DYSF: variants seen among roughly 807,000 people sequenced by gnomAD.
DYSF encodes the protein dysferlin.
DYSF carries 212 observed loss-of-function variants against 274.9 expected under a neutral mutation model. The ratio of observed to expected loss-of-function variants is 0.77; its 90% CI spans 0.69 to 0.86. The LOEUF (loss-of-function observed/expected upper bound fraction) is 0.86, where lower values mean the gene tolerates loss of function less well. Ranked by LOEUF, DYSF falls within the 40% of genes least tolerant of loss-of-function variation. The pLI is 0.00. For synonymous variants in DYSF, 1,091 were observed against 1,078.7 expected, an observed-to-expected ratio of 1.01 and a Z score of -0.22; for missense variants, 2,666 against 2,783.2, an observed-to-expected ratio of 0.96 and a Z score of 0.95.
intron 17 of DYSF, chr2:71,549,529 G>C: frequency 1.2e-6 from 1 of 817,712 alleles, no homozygotes; most frequent in Non-Finnish European, 2.0e-6. Flanking sequence ...TAAGTCCCTG[G>C]ACTTACCTTT....
chr2:71,685,649 G>T (rs905025292), intron 55 of DYSF, among the ~76,000 whole-genome samples: 2 of 152,190 alleles, frequency 1.3e-5, no homozygotes, highest in African/African-American at 4.8e-5. Flanking sequence ...GGGGTATGAG[G>T]GGGCAGCCTG....
chr2:71,515,629 G>C lies in DYSF; in HGVS notation c.766G>C (p.Val256Leu). The C allele has an allele frequency of 1.9e-6, 3 of 1,613,916 alleles. No individual in the cohort carries two copies. Among genetic ancestry groups the C allele is most frequent in the South Asian group, 2.2e-5 (2 of 91,070 alleles). Residue 256 changes from valine (V) to leucine (L), a missense_variant, in exon 8 of 56, where the codon GTC becomes CTC. This residue lies in a region of DYSF where 794 missense variants were observed against 777.1 expected (regional missense o/e 1.02). Transcript: ENST00000410020. Reference sequence around the variant, plus strand: ...TCCTCCTTCTGGCTTTCAGATCAGGGTCCAGGTGATCGAGGGGCGCCAGCT... The same window carrying C: ...TCCTCCTTCTGGCTTTCAGATCAGGCTCCAGGTGATCGAGGGGCGCCAGCT... ...SDKPQDFQIR[V>L]QVIEGRQLPG... is the part of the protein sequence containing the mutation.
At chr2:71,670,970 A>T (rs2095109554) in intron 51 of DYSF, among the ~76,000 whole-genome samples, 1 of 152,138 alleles carries the variant, frequency 6.6e-6, no homozygotes, top group Non-Finnish European at 1.5e-5. Flanking sequence ...AGGTGGCTCA[A>T]GGCTTTAAGC....
intron 44 of DYSF, among the ~76,000 whole-genome samples, chr2:71,659,325 G>A (rs1424346397): frequency 6.6e-6 from 1 of 152,340 alleles, no homozygotes; most frequent in South Asian, 2.1e-4. Flanking sequence ...GAAGAAAATA[G>A]TGTTTTAAGA....
chr2:71,653,034 T>C (rs1319925464), intron 42 of DYSF, among the ~76,000 whole-genome samples: 1 of 152,210 alleles, frequency 6.6e-6, no homozygotes, highest in Admixed American at 6.5e-5. Context: ...GCAGACACTA[T>C]AAAGAAAAAG....
chr2:71,662,595 G>A (rs1314869815), intron 45 of DYSF, among the ~76,000 whole-genome samples: 2 of 149,250 alleles, frequency 1.3e-5, no homozygotes, highest in African/African-American at 4.9e-5. Flanking sequence ...GTGTGTAGGT[G>A]TATGCGTCTG....
At chr2:71,667,254 G>A in intron 47 of DYSF, 122 bp from the exon 48 acceptor site, 1 of 1,416,682 alleles carries the variant, frequency 7.1e-7, no homozygotes. Flanking sequence ...CTGGGGGTGA[G>A]GCTGCGGGGG....
chr2:71,543,727 C>T (rs554310316), intron 17 of DYSF, among the ~76,000 whole-genome samples: 12 of 152,156 alleles, frequency 7.9e-5, no homozygotes, highest in Admixed American at 4.6e-4. Flanking sequence ...TCAGGCGTGG[C>T]GGCGCGCGCC....
At chr2:71,567,872 ACTC>A in intron 24 of DYSF, 76 bp from the exon 25 acceptor site, 1 of 1,581,900 alleles carries the variant, frequency 6.3e-7, no homozygotes, top group African/African-American at 1.3e-5. Context: ...GGCTTGGAGG[ACTC>A]CTCCTCCCCA....
intron 40 of DYSF, among the ~76,000 whole-genome samples, chr2:71,616,406 G>A (rs2093884691): frequency 6.6e-6 from 1 of 151,440 alleles, no homozygotes; most frequent in Non-Finnish European, 1.5e-5. Flanking sequence ...TTCTTGGTCT[G>A]TGCAGCCATC....
Position 71,513,780 on chromosome 2 carries a change from G to T in DYSF, c.618G>T (p.Leu206=). The change falls in exon 7 of 56, where the codon CTG becomes CTT. Residue 206 remains leucine (L), a synonymous_variant. Coordinates refer to ENST00000410020, the MANE Select transcript of DYSF (RefSeq NM_001130987.2). ...CTGGAGATGAGGCGGAGCCATTCCTGGATCAAAGCGGAGGCCCGGGGGCTC... is the reference window on the plus strand; with the variant it reads ...CTGGAGATGAGGCGGAGCCATTCCTTGATCAAAGCGGAGGCCCGGGGGCTC... ...GLTGDEAEPF[L]DQSGGPGAPT... 1 of 1,614,188 alleles carries T rather than the reference G, an allele frequency of 6.2e-7. No homozygotes were observed. Among genetic ancestry groups the T allele is most frequent in the Non-Finnish European group, 8.5e-7 (1 of 1,180,024 alleles).
chr2:71,543,669 G>T (rs561234242), intron 17 of DYSF, among the ~76,000 whole-genome samples: 2 of 152,176 alleles, frequency 1.3e-5, no homozygotes, highest in African/African-American at 4.8e-5. Flanking sequence ...AGACCAGCCC[G>T]GCCAACACAG....
intron 22 of DYSF, 95 bp downstream of exon 22, chr2:71,556,166 C>T (rs1320714859): frequency 5.7e-6 from 6 of 1,048,300 alleles, no homozygotes; most frequent in East Asian, 2.6e-5. Flanking sequence ...AGCAGTGGCA[C>T]GTCTCCCAGC....
intron 30 of DYSF, among the ~76,000 whole-genome samples, chr2:71,575,414 G>C (rs2092669703): frequency 6.6e-6 from 1 of 152,174 alleles, no homozygotes; most frequent in Non-Finnish European, 1.5e-5. Context: ...CCCTTGCCCT[G>C]GGGCCAGGTC....
chr2:71,589,501 C>A, intron 30 of DYSF, 92 bp from the exon 31 acceptor site: 1 of 1,005,702 alleles, frequency 9.9e-7, no homozygotes, highest in Non-Finnish European at 1.6e-6. Context: ...GGAGAGATCT[C>A]CTGGCCCTGG....
intron 13 of DYSF, 21 bp from the exon 14 acceptor site, chr2:71,528,277 C>G: frequency 1.2e-6 from 2 of 1,605,854 alleles, no homozygotes; most frequent in East Asian, 4.5e-5. Context: ...CAGGCAGTGA[C>G]TGGTGTGTCC....
At chr2:71,655,084 T>A (rs1054094310) in intron 42 of DYSF, among the ~76,000 whole-genome samples, 2 of 151,892 alleles carry the variant, frequency 1.3e-5, no homozygotes, top group African/African-American at 4.8e-5. Context: ...GAGTGAGACT[T>A]CTCCCCTCAC....
At chr2:71,536,371 A>T (rs1276145542) in intron 16 of DYSF, among the ~76,000 whole-genome samples, 2 of 152,192 alleles carry the variant, frequency 1.3e-5, no homozygotes, top group South Asian at 4.1e-4. Flanking sequence ...GAATTAGAGG[A>T]GAGGAAAGAG....
intron 41 of DYSF, among the ~76,000 whole-genome samples, chr2:71,641,393 A>G (rs1572905438): frequency 6.6e-6 from 1 of 151,816 alleles, no homozygotes; most frequent in Non-Finnish European, 1.5e-5. Context: ...GTTAGCCAGG[A>G]TGGTCTCGAT....
Sources: gnomAD v4.1 joint callset for allele counts (sites outside exome capture counted in the v4.1 genomes callset) on GRCh38, gnomAD v4.1.1 for gene constraint, gnomAD v4.1.1 regional missense constraint, MANE v1.5 for transcripts, NCBI Gene and HGNC (gene_info 2026-07-23, HGNC 2026-07-21) for gene names.